Variants in LRRTM4 observed in about 807,000 individuals in gnomAD.
LRRTM4 encodes leucine-rich repeat transmembrane neuronal protein 4.
LRRTM4 carries 25 observed loss-of-function variants against 47.6 expected under a neutral mutation model. The ratio of observed to expected loss-of-function variants is 0.53; its 90% confidence interval spans 0.38 to 0.73. The LOEUF is 0.73. LRRTM4 is among the 30% of genes least tolerant of loss of function. LRRTM4 has a pLI of 0.00. For missense variants in LRRTM4, 638 were observed against 713.4 expected, an observed-to-expected ratio of 0.89 and a Z score of 1.20; for synonymous variants, 311 against 269.5, an observed-to-expected ratio of 1.15 and a Z score of -1.51.
chr2:77,226,378 T>A (rs1357945385), intron 3 of LRRTM4, among the ~76,000 whole-genome samples: 2 of 151,794 alleles, frequency 1.3e-5, no homozygotes, highest in East Asian at 3.9e-4. Flanking sequence ...TAAGAATAGG[T>A]CTATGTTTTT....
At chr2:77,238,599 C>T (rs7585096) in intron 3 of LRRTM4, among the ~76,000 whole-genome samples, 6 of 151,534 alleles carry the variant, frequency 4.0e-5, no homozygotes, top group African/African-American at 1.2e-4. Context: ...AACAGCACGC[C>T]GAGAGATACA....
At chr2:77,348,029 A>G (rs1452290023) in intron 3 of LRRTM4, among the ~76,000 whole-genome samples, 1 of 150,366 alleles carries the variant, frequency 6.7e-6, no homozygotes, top group African/African-American at 2.4e-5. Flanking sequence ...ACAAGTACAC[A>G]CACACACACA....
At chr2:77,492,246 T>C (rs1178613416) in intron 3 of LRRTM4, among the ~76,000 whole-genome samples, 1 of 152,154 alleles carries the variant, frequency 6.6e-6, no homozygotes, top group Non-Finnish European at 1.5e-5. Context: ...GTACAAAATA[T>C]ATCAATATAT....
At chr2:77,511,004 G>C (rs1041448485) in intron 3 of LRRTM4, among the ~76,000 whole-genome samples, 5 of 151,974 alleles carry the variant, frequency 3.3e-5, no homozygotes, top group Admixed American at 2.6e-4. Flanking sequence ...TAGATTTAAT[G>C]ATTATGTTTT....
intron 3 of LRRTM4, among the ~76,000 whole-genome samples, chr2:77,491,360 CA>C (rs199736457): frequency 8.0e-5 from 12 of 149,450 alleles, no homozygotes; most frequent in Non-Finnish European, 1.2e-4. Context: ...GGAGGTAAAA[CA>C]AAAAAAAATC....
intron 3 of LRRTM4, among the ~76,000 whole-genome samples, chr2:77,467,613 T>C (rs1247793118): frequency 2.0e-5 from 3 of 152,198 alleles, no homozygotes; most frequent in Admixed American, 6.5e-5. Context: ...CTAAGAATAA[T>C]TCATGTTAAC....
At chr2:76,898,013 G>A (rs17013323) in intron 3 of LRRTM4, among the ~76,000 whole-genome samples, 57,546 of 151,994 alleles carry the variant, frequency 0.38, 11,967 homozygotes, top group East Asian at 0.72. Flanking sequence ...GTCCTAACAG[G>A]ATGGCCCAGA....
At position 77,375,597 on chromosome 2, in the gene LRRTM4, T is replaced by C. The variant is rs542266105; in HGVS notation, c.1551+142721A>G. On this transcript the variant is annotated intron_variant, in intron 3 of 3. Transcript: ENST00000409884. ...ACCTGAATAACAACTTTTCATTTCC[T>C]TTTTTCCCCAGCCCCTTGCAAGCAC... is the stretch of plus-strand genomic sequence containing the variant. Among the ~76,000 whole-genome samples the C allele has an allele frequency of 2.6e-5, 4 of 151,890 alleles. No individual in the cohort carries two copies. The South Asian group carries it at 6.2e-4, about 24-fold the overall frequency.
At chr2:76,767,572 AGCTACAGTTG>A in intron 3 of LRRTM4, among the ~76,000 whole-genome samples, 1 of 152,294 alleles carries the variant, frequency 6.6e-6, no homozygotes, top group African/African-American at 2.4e-5. Context: ...TAATATCTAA[AGCTACAGTTG>A]GCTGTAGTTT....
intron 3 of LRRTM4, among the ~76,000 whole-genome samples, chr2:77,017,839 C>G (rs888839007): frequency 2.6e-5 from 4 of 152,094 alleles, no homozygotes; most frequent in Non-Finnish European, 4.4e-5. Flanking sequence ...AGAACCCAAT[C>G]TACTTATATT....
intron 3 of LRRTM4, among the ~76,000 whole-genome samples, chr2:77,118,196 A>G (rs1671437550): frequency 6.6e-6 from 1 of 151,828 alleles, no homozygotes. Flanking sequence ...GTCACCACTG[A>G]GAGTAAGGCT....
chr2:76,874,782 A>T, intron 3 of LRRTM4, among the ~76,000 whole-genome samples: 1 of 151,866 alleles, frequency 6.6e-6, no homozygotes, highest in South Asian at 2.1e-4. Flanking sequence ...GACCCTGGCT[A>T]TTTTTTTGGA....
At chr2:77,060,124 G>A (rs1679739314) in intron 3 of LRRTM4, among the ~76,000 whole-genome samples, 1 of 152,176 alleles carries the variant, frequency 6.6e-6, no homozygotes, top group Non-Finnish European at 1.5e-5. Context: ...AGAACAACTG[G>A]AGTCAGTTTG....
intron 3 of LRRTM4, among the ~76,000 whole-genome samples, chr2:76,898,137 T>G (rs1034516359): frequency 6.6e-6 from 1 of 152,092 alleles, no homozygotes; most frequent in Non-Finnish European, 1.5e-5. Flanking sequence ...TATACCCTTG[T>G]TTTTTTCTGT....
At chr2:76,775,859 A>G (rs1461468241) in intron 3 of LRRTM4, among the ~76,000 whole-genome samples, 1 of 151,982 alleles carries the variant, frequency 6.6e-6, no homozygotes, top group Non-Finnish European at 1.5e-5. Context: ...TGCACCCACT[A>G]ACTCGTCATC....
chr2:76,850,731 A>T (rs192588027), intron 3 of LRRTM4, among the ~76,000 whole-genome samples: 47 of 152,254 alleles, frequency 3.1e-4, no homozygotes, highest in Admixed American at 2.5e-3. Context: ...GTATTCACAC[A>T]TGTGCTTCAT....
chr2:77,217,440 A>AATATATATAT (rs34070418), intron 3 of LRRTM4, among the ~76,000 whole-genome samples: 3,309 of 76,676 alleles, frequency 0.043, 250 homozygotes, highest in African/African-American at 0.062. Flanking sequence ...CTCCAAATGA[A>AATATATATAT]ATATATATAT....
In LRRTM4 at chr2:77,411,618, A is replaced by ATTTTTTTTTTTTTT. The variant is rs1222177148; in HGVS notation, c.1551+106686_1551+106699dup. ...CAGGCCCCCGCCACCATGCCCGGCT[A>ATTTTTTTTTTTTTT]TTTTTTTTTTTTTTTTTTTTTTTTT... On this transcript the variant is annotated intron_variant, in intron 3 of 3. Coordinates refer to ENST00000409884, the MANE Select transcript of LRRTM4 (RefSeq NM_001134745.3). Among the ~76,000 whole-genome samples, 15 of 64,798 alleles carry ATTTTTTTTTTTTTT rather than the reference A, an allele frequency of 2.3e-4. 1 individual carries two copies. The highest frequency in any genetic ancestry group is 9.3e-4 in the East Asian group (2 of 2,152). The allele number at this position is 64,798 out of a possible 152,430, so 42.5% of individuals were successfully genotyped here.
At chr2:77,367,367 T>C (rs1672501537) in intron 3 of LRRTM4, among the ~76,000 whole-genome samples, 1 of 151,836 alleles carries the variant, frequency 6.6e-6, no homozygotes. Flanking sequence ...CAACACCAGC[T>C]ATTATCTAAA....
Sources: allele counts gnomAD v4.1 joint callset (sites outside exome capture counted in the v4.1 genomes callset), GRCh38; gene constraint gnomAD v4.1.1; transcripts MANE v1.5; gene names NCBI Gene and HGNC (gene_info 2026-07-23, HGNC 2026-07-21).